CPT1A: variants seen among roughly 807,000 people sequenced by gnomAD.
CPT1A encodes carnitine palmitoyltransferase 1A, also known as carnitine O-palmitoyltransferase 1, liver isoform.
CPT1A carries 64 observed loss-of-function variants against 100.8 expected under a neutral mutation model. That is an observed-to-expected ratio of 0.63 (90% CI 0.52 to 0.78). The LOEUF (loss-of-function observed/expected upper bound fraction) is 0.78. Ranked by LOEUF, CPT1A falls within the 30% of genes least tolerant of loss-of-function variation. The probability of loss-of-function intolerance (pLI) is 0.00; values close to 1 mark genes in which losing one functional copy is unlikely to be tolerated. For missense variants in CPT1A, 802 were observed against 1,034.1 expected, an observed-to-expected ratio of 0.78 and a Z score of 3.08; for synonymous variants, 363 against 396.0, an observed-to-expected ratio of 0.92 and a Z score of 0.99.
intron 3 of CPT1A, 115 bp from the exon 4 acceptor site, chr11:68,807,753 T>C (rs1047794674): frequency 8.9e-6 from 9 of 1,010,714 alleles, no homozygotes; most frequent in Non-Finnish European, 1.2e-5. Context: ...CTGCCCCAGG[T>C]ACAGCCGGGA....
intron 1 of CPT1A, among the ~76,000 whole-genome samples, chr11:68,836,774 GAAAGAAAAGA>G (rs557040883): frequency 7.3e-6 from 1 of 136,594 alleles, no homozygotes; most frequent in African/African-American, 2.7e-5. Context: ...TTCCTCAAAA[GAAAGAAAAGA>G]AAAGAAAATA....
intron 1 of CPT1A, among the ~76,000 whole-genome samples, chr11:68,832,391 A>C (rs908807976): frequency 3.3e-5 from 5 of 152,236 alleles, no homozygotes; most frequent in Admixed American, 1.3e-4. Context: ...TGGAGGTTGC[A>C]GTGAGCCAAG....
At chr11:68,814,510 A>G (rs982978065) in intron 2 of CPT1A, among the ~76,000 whole-genome samples, 17 of 151,880 alleles carry the variant, frequency 1.1e-4, no homozygotes, top group East Asian at 3.9e-4. Flanking sequence ...GGGTTTCACC[A>G]TGTTAGCCAG....
intron 1 of CPT1A, among the ~76,000 whole-genome samples, chr11:68,830,688 C>G (rs563033808): frequency 6.6e-6 from 1 of 152,224 alleles, no homozygotes; most frequent in Non-Finnish European, 1.5e-5. Flanking sequence ...CAGCCTTGAC[C>G]TATGCCACTA....
intron 1 of CPT1A, among the ~76,000 whole-genome samples, chr11:68,826,852 AACAGG>A (rs1278391048): frequency 6.6e-6 from 1 of 152,174 alleles, no homozygotes; most frequent in Non-Finnish European, 1.5e-5. Flanking sequence ...CACTGGCATA[AACAGG>A]ACTGGGACTA....
chr11:68,765,819 G>A (rs1461715665), intron 14 of CPT1A, among the ~76,000 whole-genome samples: 1 of 151,282 alleles, frequency 6.6e-6, no homozygotes, highest in Non-Finnish European at 1.5e-5. Context: ...TCAGGCCACT[G>A]AATAGAAATA....
intron 10 of CPT1A, among the ~76,000 whole-genome samples, chr11:68,783,067 G>A (rs1299706503): frequency 6.6e-6 from 1 of 152,076 alleles, no homozygotes; most frequent in African/African-American, 2.4e-5. Context: ...ATCTCCTGCC[G>A]CCGCTCTTTC....
intron 2 of CPT1A, among the ~76,000 whole-genome samples, chr11:68,814,689 A>G (rs990307116): frequency 3.4e-5 from 5 of 146,786 alleles, no homozygotes; most frequent in African/African-American, 1.3e-4. Flanking sequence ...TGGAAAAAAT[A>G]TTTTTTTGTT....
chr11:68,819,865 G>A (rs1856532026), intron 1 of CPT1A, among the ~76,000 whole-genome samples: 1 of 152,212 alleles, frequency 6.6e-6, no homozygotes, highest in Non-Finnish European at 1.5e-5. Context: ...GAGCAGAAAT[G>A]AGTGAATCCA....
At chr11:68,759,976 G>A (rs915369605) in intron 17 of CPT1A, among the ~76,000 whole-genome samples, 5 of 152,108 alleles carry the variant, frequency 3.3e-5, no homozygotes, top group Non-Finnish European at 7.3e-5. Flanking sequence ...GGAGATTCAG[G>A]CTGCCATGAG....
In CPT1A at chr11:68,762,768, A is replaced by G. The variant is rs1375511417; in HGVS notation, c.1741-7T>C. 6.2e-7 allele frequency: 1 copy of G among 1,614,014 alleles called. No homozygotes were observed. The highest frequency in any genetic ancestry group is 1.1e-5 in the South Asian group (1 of 91,084). Reference sequence around the variant, plus strand: ...GGCAAAACTTGCCCATGTCCTGGGGAAAGAGAAGTACTTCAGTGCACGGCA... The same window carrying G: ...GGCAAAACTTGCCCATGTCCTGGGGGAAGAGAAGTACTTCAGTGCACGGCA... On this transcript the variant is annotated splice_polypyrimidine_tract_variant and splice_region_variant and intron_variant, in intron 14 of 18. Coordinates refer to ENST00000265641, the MANE Select transcript of CPT1A (RefSeq NM_001876.4).
chr11:68,782,462 A>G (rs1054482310), intron 10 of CPT1A, among the ~76,000 whole-genome samples: 1 of 152,234 alleles, frequency 6.6e-6, no homozygotes, highest in African/African-American at 2.4e-5. Context: ...AAGCACGGAA[A>G]GATTAGGTCA....
At chr11:68,799,103 G>A in intron 6 of CPT1A, 115 bp downstream of exon 6, 1 of 897,816 alleles carries the variant, frequency 1.1e-6, no homozygotes, top group Admixed American at 1.9e-5. Context: ...GAACTTCCTA[G>A]GGTGTGATTT....
chr11:68,770,079 G>C (rs907402525), intron 14 of CPT1A, among the ~76,000 whole-genome samples: 1 of 150,768 alleles, frequency 6.6e-6, no homozygotes, highest in Non-Finnish European at 1.5e-5. Context: ...AAAACAGTGT[G>C]AACTGGGAAC....
Position 68,754,993 on chromosome 11 carries a change from G to C in CPT1A, c.*2651C>G. On this transcript the variant is annotated 3_prime_UTR_variant, in exon 19 of 19. Transcript: ENST00000265641. ...TATTTACATGCACCGGTCAGCCCAA[G>C]ATAACAAATTCAAACCATGGCTGCG... 4.7e-6 allele frequency: 3 copies of C among 636,652 alleles called. No individual in the cohort carries two copies. Among genetic ancestry groups the C allele is most frequent in the Non-Finnish European group, 8.7e-6 (3 of 345,100 alleles). 39.4% of individuals were successfully genotyped at this position (636,652 alleles called of 1,614,324 possible). A position where few individuals can be genotyped will look rare whatever the true frequency, so the allele number is the denominator to read the frequency against.
intron 9 of CPT1A, among the ~76,000 whole-genome samples, chr11:68,792,055 C>T (rs921835649): frequency 6.6e-6 from 1 of 152,046 alleles, no homozygotes; most frequent in Non-Finnish European, 1.5e-5. Flanking sequence ...AACTGCAGGT[C>T]AGGCCAGGCA....
chr11:68,802,733 C>CA (rs796208737), intron 5 of CPT1A, among the ~76,000 whole-genome samples: 4,373 of 136,572 alleles, frequency 0.032, 203 homozygotes, highest in African/African-American at 0.1. Context: ...GATTCTGTCT[C>CA]AAAAAAAAAA....
At chr11:68,825,295 T>C (rs570782226) in intron 1 of CPT1A, among the ~76,000 whole-genome samples, 4 of 152,262 alleles carry the variant, frequency 2.6e-5, no homozygotes, top group East Asian at 3.9e-4. Context: ...TCTGCTGCAA[T>C]TGGAGCTCAA....
intron 14 of CPT1A, among the ~76,000 whole-genome samples, chr11:68,768,231 G>A (rs1432957938): frequency 2.0e-5 from 3 of 149,332 alleles, no homozygotes; most frequent in East Asian, 4.0e-4. Context: ...GCCCGCCACC[G>A]CGCCCGGCTA....
Sources: allele counts gnomAD v4.1 joint callset (sites outside exome capture counted in the v4.1 genomes callset), GRCh38; gene constraint gnomAD v4.1.1; transcripts MANE v1.5; gene names NCBI Gene and HGNC (gene_info 2026-07-23, HGNC 2026-07-21).